AKR1E2: variants seen among roughly 807,000 people sequenced by gnomAD.
AKR1E2 encodes the protein 1,5-anhydro-D-fructose reductase.
Under a neutral mutation model 41.9 loss-of-function variants are expected in AKR1E2, and 43 were observed. The observed-to-expected ratio is 1.03, with a 90% CI of 0.80 to 1.32. The LOEUF (loss-of-function observed/expected upper bound fraction) is 1.32. Ranked by LOEUF, AKR1E2 falls within the 40% of genes most tolerant of loss-of-function variation. The pLI is 0.00. For synonymous variants in AKR1E2, 121 were observed against 138.9 expected, an observed-to-expected ratio of 0.87 and a Z score of 0.91; for missense variants, 423 against 396.5, an observed-to-expected ratio of 1.07 and a Z score of -0.57.
Position 4,846,003 on chromosome 10 carries a change from G to A in AKR1E2, c.838-1145G>A, listed in dbSNP as rs1011367693. On this transcript the variant is annotated intron_variant, in intron 8 of 9. Coordinates refer to ENST00000298375, the MANE Select transcript of AKR1E2 (RefSeq NM_001040177.3). The stretch of plus-strand genomic sequence containing the variant: ...GGCATCCAGTGCAGGGGGCTGCCCC[G>A]GCCCGCCCCCTGTGGCCCCAGTGCC... 7.1e-5 allele frequency: 28 copies of A among 392,796 alleles called. 1 individual carries two copies. In the Middle Eastern group the frequency reaches 2.5e-3, roughly 35 times the overall value. The allele number at this position is 392,796 out of a possible 1,614,324, so 24.3% of individuals were successfully genotyped here.
chr10:4,850,103 G>T (rs1439062891), downstream of AKR1E2, among the ~76,000 whole-genome samples: 1 of 152,194 alleles, frequency 6.6e-6, no homozygotes, highest in East Asian at 1.9e-4. Context: ...TTCATTCTGA[G>T]TGGAGCTGAC....
At chr10:4,826,417 G>C in intron 1 of AKR1E2, 54 bp downstream of exon 1, 1 of 1,226,538 alleles carries the variant, frequency 8.2e-7, no homozygotes, top group East Asian at 3.2e-5. Context: ...CGCGGGACTT[G>C]GGGGCGCCCG....
the AKR1E2 span, among the ~76,000 whole-genome samples, chr10:4,862,868 G>A: frequency 2.6e-5 from 4 of 151,608 alleles, no homozygotes; most frequent in African/African-American, 9.7e-5. Flanking sequence ...AGACAAAGAA[G>A]GCCATTACAT....
rs371699570 is a variant in AKR1E2, at chr10:4,835,758, C to T, written c.408C>T (p.Asp136=). 106 of 1,614,036 alleles carry T rather than the reference C, an allele frequency of 6.6e-5. 1 individual carries two copies. The highest frequency in any genetic ancestry group is 1.9e-4 in the African/African-American group (14 of 74,920). The change falls in exon 4 of 10, where the codon GAC becomes GAT. Residue 136 remains aspartate, a synonymous_variant. Coordinates refer to ENST00000298375, the MANE Select transcript of AKR1E2 (RefSeq NM_001040177.3). ...CTCGAGTGCAGGACTTGCCTCTGGA[C>T]GAGAGCAACATGGTTATTCCCAGTG... ...SHPRVQDLPL[D]ESNMVIPSDT... is the part of the protein sequence containing the mutation.
intron 2 of AKR1E2, among the ~76,000 whole-genome samples, chr10:4,831,834 A>C (rs1412719559): frequency 6.6e-6 from 1 of 152,190 alleles, no homozygotes; most frequent in African/African-American, 2.4e-5. Context: ...TTCATTTTTA[A>C]ATAGGGCAGC....
chr10:4,843,082 CAA>C (rs571280351), intron 8 of AKR1E2, among the ~76,000 whole-genome samples: 213 of 152,246 alleles, frequency 1.4e-3, no homozygotes, highest in African/African-American at 4.8e-3. Flanking sequence ...TCACCTAAGC[CAA>C]GAACCACAGA....
chr10:4,870,013 T>C, the AKR1E2 span, among the ~76,000 whole-genome samples: 1 of 136,302 alleles, frequency 7.3e-6, no homozygotes, highest in South Asian at 2.3e-4. Flanking sequence ...TTTTGTGCTA[T>C]TGTTAGGTAG....
chr10:4,834,101 G>T (rs1297780536), intron 3 of AKR1E2, among the ~76,000 whole-genome samples: 1 of 152,176 alleles, frequency 6.6e-6, no homozygotes, highest in Non-Finnish European at 1.5e-5. Context: ...CTGCATATTT[G>T]CCCTGGGCTG....
intron 7 of AKR1E2, among the ~76,000 whole-genome samples, 186 bp downstream of exon 7, chr10:4,842,043 G>A (rs1468036413): frequency 6.6e-6 from 1 of 152,164 alleles, no homozygotes. Context: ...CTCAAGCCAT[G>A]TACTCTTGCC....
chr10:4,858,166 T>G, the AKR1E2 span, among the ~76,000 whole-genome samples: 7 of 152,162 alleles, frequency 4.6e-5, no homozygotes, highest in African/African-American at 1.7e-4. Flanking sequence ...TCAAAATGAG[T>G]CATACTTATT....
the AKR1E2 span, among the ~76,000 whole-genome samples, chr10:4,869,764 G>A: frequency 1.3e-5 from 2 of 151,768 alleles, no homozygotes; most frequent in African/African-American, 4.8e-5. Context: ...TTTTACCTGT[G>A]GATTATTTAG....
chr10:4,833,377 T>C lies in AKR1E2; in HGVS notation c.235T>C (p.Leu79=). Residue 79 remains leucine (L), a synonymous_variant, in exon 3 of 10, where the codon TTG becomes CTG. Transcript: ENST00000298375. The part of the protein sequence containing the change: ...KLWCTCHKKS[L]VETACRKSLK... ...GTGGTGCACCTGCCATAAGAAGTCC[T>C]TGGTGGAAACAGCATGCAGAAAGAG... 6.2e-7 allele frequency: 1 copy of C among 1,614,156 alleles called. No individual in the cohort carries two copies. The highest frequency in any genetic ancestry group is 8.5e-7 in the Non-Finnish European group (1 of 1,180,016).
intron 1 of AKR1E2, 110 bp from the exon 2 acceptor site, chr10:4,830,565 A>G (rs1832889482): frequency 8.0e-7 from 1 of 1,255,216 alleles, no homozygotes; most frequent in African/African-American, 1.5e-5. Context: ...GTACCAAATT[A>G]GTGACTTAAT....
intron 2 of AKR1E2, among the ~76,000 whole-genome samples, chr10:4,831,350 G>A (rs75374757): frequency 0.035 from 5,316 of 152,250 alleles, 151 homozygotes; most frequent in East Asian, 0.11. Flanking sequence ...GCTGCTGTAC[G>A]AACATACCTG....
the AKR1E2 span, among the ~76,000 whole-genome samples, chr10:4,860,315 C>G: frequency 1.3e-5 from 2 of 152,320 alleles, no homozygotes; most frequent in East Asian, 1.9e-4. Context: ...TATGTCTTCT[C>G]TCTTCACGGT....
At chr10:4,841,531 T>C (rs958704463) in intron 6 of AKR1E2, among the ~76,000 whole-genome samples, 1 of 152,018 alleles carries the variant, frequency 6.6e-6, no homozygotes, top group African/African-American at 2.4e-5. Context: ...GGCCACCTGG[T>C]TTTTGAGGAG....
At chr10:4,846,779 C>T (rs377275317) in intron 8 of AKR1E2, among the ~76,000 whole-genome samples, 2 of 152,154 alleles carry the variant, frequency 1.3e-5, no homozygotes. Flanking sequence ...CTCCTGACCT[C>T]GTGGTCTGCC....
At chr10:4,845,747 C>T (rs1258020829) in intron 8 of AKR1E2, 2 of 471,010 alleles carry the variant, frequency 4.2e-6, no homozygotes, top group African/African-American at 4.0e-5. Context: ...GGACCTTGGG[C>T]CCAGCTGAGA....
At chr10:4,864,553 G>A in the AKR1E2 span, among the ~76,000 whole-genome samples, 3 of 149,456 alleles carry the variant, frequency 2.0e-5, no homozygotes, top group South Asian at 6.4e-4. Context: ...ACTGGCACAA[G>A]GCAGGGATGC....
Sources: gnomAD v4.1 joint callset for allele counts (sites outside exome capture counted in the v4.1 genomes callset) on GRCh38, gnomAD v4.1.1 for gene constraint, MANE v1.5 for transcripts, NCBI Gene and HGNC (gene_info 2026-07-23, HGNC 2026-07-21) for gene names.